Variants in NHLH2 observed in about 807,000 individuals in gnomAD.
The protein encoded by NHLH2 is nescient helix-loop-helix 2.
A neutral mutation model predicts 7.3 loss-of-function variants in NHLH2; 7 were observed. The ratio of observed to expected loss-of-function variants is 0.96; its 90% CI spans 0.55 to 1.81. NHLH2 has a LOEUF of 1.81. NHLH2 is among the 40% of genes most tolerant of loss of function. NHLH2 has a pLI of 0.00. For synonymous variants in NHLH2, 93 were observed against 91.6 expected (o/e 1.01, Z -0.09); for missense variants, 155 against 194.0 (o/e 0.80, Z 1.19).
intron 2 of NHLH2, chr1:115,839,066 G>C (rs1650976266): frequency 6.0e-6 from 1 of 167,252 alleles, no homozygotes; most frequent in Non-Finnish European, 1.5e-5. Context: ...ACAAACGTGG[G>C]GGAGCCTTTA....
chr1:115,838,553 C>T (rs903423382), intron 2 of NHLH2, 173 bp from the exon 3 acceptor site: 1 of 621,518 alleles, frequency 1.6e-6, no homozygotes, highest in Non-Finnish European at 2.6e-6. Flanking sequence ...GGCCCGAGGG[C>T]GCGAGCCCTG....
rs1482253723 is a variant in NHLH2, at chr1:115,837,749, G to C, written c.*216C>G. The C allele has an allele frequency of 9.1e-6, 5 of 551,334 alleles. No individual in the cohort carries two copies. 34.2% of individuals were successfully genotyped at this position (551,334 alleles called of 1,614,324 possible). ...GGAAAATCCCCCCTGCGAGCCCCCG[G>C]GCTCGCCAGACAACCCCACCTGCCT... On this transcript the variant is annotated 3_prime_UTR_variant, in exon 3 of 3. Coordinates refer to ENST00000320238, the MANE Select transcript of NHLH2 (RefSeq NM_005599.3).
chr1:115,838,388 G>A lies in NHLH2; in HGVS notation c.-8-8C>T, dbSNP rs953315762. On this transcript the variant is annotated splice_polypyrimidine_tract_variant and splice_region_variant and intron_variant, in intron 2 of 2. Coordinates refer to ENST00000320238, the MANE Select transcript of NHLH2 (RefSeq NM_005599.3). ...TCAGCATCATTTTGGAGGCTGAGGA[G>A]GGGTCGGAAAATTAATCAGTAAAAG... 3 of 1,607,856 alleles carry A rather than the reference G, an allele frequency of 1.9e-6. No individual in the cohort carries two copies. Among genetic ancestry groups the A allele is most frequent in the Non-Finnish European group, 1.7e-6 (2 of 1,178,764 alleles).
chr1:115,839,545 C>T (rs948669848), intron 2 of NHLH2: 1 of 166,854 alleles, frequency 6.0e-6, no homozygotes, highest in African/African-American at 2.4e-5. Context: ...GGGAGGGGGC[C>T]GCTCAGAACC....
intron 1 of NHLH2, 139 bp downstream of exon 1, chr1:115,840,809 T>C (rs967341091): frequency 4.3e-5 from 7 of 162,620 alleles, no homozygotes; most frequent in African/African-American, 1.7e-4. Flanking sequence ...AGGAACACAA[T>C]ACTGTAACTA....
In NHLH2 at chr1:115,838,018, G is replaced by A. The variant is rs753201878; in HGVS notation, c.355C>T (p.Leu119=). 6.2e-7 allele frequency: 1 copy of A among 1,610,574 alleles called. No individual in the cohort carries two copies. The highest frequency in any genetic ancestry group is 8.5e-7 in the Non-Finnish European group (1 of 1,178,662). The change falls in exon 3 of 3, where the codon CTG becomes TTG. Residue 119 remains leucine (L), a synonymous_variant. Coordinates refer to ENST00000320238, the MANE Select transcript of NHLH2 (RefSeq NM_005599.3). ...GAGATGTAGCAGATGGCCAGGCGCA[G>A]GATCTCGATCTTGGAGAGCTTCTTG... ...PDKKLSKIEI[L]RLAICYISYL... is the part of the protein sequence containing the mutation.
chr1:115,837,932 C>T lies in NHLH2; in HGVS notation c.*33G>A. 2 of 1,579,278 alleles carry T rather than the reference C, an allele frequency of 1.3e-6. No homozygotes were observed. The highest frequency in any genetic ancestry group is 1.7e-6 in the Non-Finnish European group (2 of 1,165,154). On this transcript the variant is annotated 3_prime_UTR_variant, in exon 3 of 3. Transcript: ENST00000320238. ...CGGATCCGTAGCGTTTCGCGGACGC[C>T]GGGACAGGCGGCCCCCCGCGGCGCA... is the stretch of plus-strand genomic sequence containing the variant.
rs1255497423 is a variant in NHLH2, at chr1:115,840,234, A to C, written c.-27T>G. On this transcript the variant is annotated 5_prime_UTR_variant, in exon 2 of 3. Transcript: ENST00000320238. Reference sequence around the variant, plus strand: ...GTCTTACCTTGCAAAAGCCTTTTTGATAATCTGTTCTCCAATCTTTAGAGT... The same window carrying C: ...GTCTTACCTTGCAAAAGCCTTTTTGCTAATCTGTTCTCCAATCTTTAGAGT... 1.2e-5 allele frequency: 2 copies of C among 167,096 alleles called. No individual in the cohort carries two copies. The highest frequency in any genetic ancestry group is 2.9e-5 in the Non-Finnish European group (2 of 68,124). The allele number at this position is 167,096 out of a possible 1,614,324, so 10.4% of individuals were successfully genotyped here.
downstream of NHLH2, among the ~76,000 whole-genome samples, chr1:115,832,965 T>C (rs1346856840): frequency 6.6e-6 from 1 of 151,854 alleles, no homozygotes; most frequent in African/African-American, 2.4e-5. Context: ...GGAAACCGAG[T>C]TTGCAGGAAT....
At chr1:115,839,037 A>C (rs2101201989) in intron 2 of NHLH2, 1 of 167,284 alleles carries the variant, frequency 6.0e-6, no homozygotes, top group African/African-American at 2.4e-5. Flanking sequence ...CTTCTCCGAA[A>C]TCGTAAAGAA....
chr1:115,834,083 C>T (rs968834101), downstream of NHLH2, among the ~76,000 whole-genome samples: 6 of 152,234 alleles, frequency 3.9e-5, no homozygotes, highest in Non-Finnish European at 4.4e-5. Context: ...CTCATTTCCT[C>T]CTTACCCATT....
At chr1:115,836,002 C>T (rs139484392), downstream of NHLH2, among the ~76,000 whole-genome samples, 1 of 152,226 alleles carries the variant, frequency 6.6e-6, no homozygotes, top group East Asian at 1.9e-4. Context: ...CATTAAATAG[C>T]TATGTGTTTT....
chr1:115,838,747 T>G, intron 2 of NHLH2: 1 of 229,138 alleles, frequency 4.4e-6, no homozygotes. Flanking sequence ...ACCGCGCTAT[T>G]CCTCCTCCCT....
At chr1:115,833,966 C>T (rs929675306), downstream of NHLH2, among the ~76,000 whole-genome samples, 1 of 152,154 alleles carries the variant, frequency 6.6e-6, no homozygotes, top group African/African-American at 2.4e-5. Context: ...TATCATAGTG[C>T]TCTGGTGATA....
Position 115,837,897 on chromosome 1 carries a change from G to T in NHLH2, c.*68C>A, listed in dbSNP as rs1024557301. On this transcript the variant is annotated 3_prime_UTR_variant, in exon 3 of 3. Transcript: ENST00000320238. ...CCGCAGCCTCCGCCACCCGAGCGAC[G>T]GCGCCCGTCCGGATCCGTAGCGTTT... 12 of 1,500,712 alleles carry T rather than the reference G, an allele frequency of 8.0e-6. No homozygotes were observed. Among genetic ancestry groups the T allele is most frequent in the Non-Finnish European group, 9.8e-6 (11 of 1,126,482 alleles). 93.0% of individuals were successfully genotyped at this position (1,500,712 alleles called of 1,614,324 possible). A position where few individuals can be genotyped will look rare whatever the true frequency, so the allele number is the denominator to read the frequency against.
downstream of NHLH2, among the ~76,000 whole-genome samples, chr1:115,835,069 A>G (rs762214407): frequency 6.6e-6 from 1 of 152,132 alleles, no homozygotes; most frequent in Non-Finnish European, 1.5e-5. Context: ...CTGAAATCAC[A>G]TGGGTTGCAT....
chr1:115,840,760 G>A (rs867826359), intron 1 of NHLH2, 188 bp downstream of exon 1: 1 of 38,010 alleles, frequency 2.6e-5, no homozygotes, highest in Non-Finnish European at 6.9e-5. Flanking sequence ...TTTTTTTTTT[G>A]AGATAAGGCT....
In NHLH2 at chr1:115,841,055, G is replaced by C. The variant is rs533517044; in HGVS notation, c.-445C>G. On this transcript the variant is annotated 5_prime_UTR_variant, in exon 1 of 3. Transcript: ENST00000320238. ...GTGACAAGGAAGCAGAGAAAGACGG[G>C]AAGAGGGTGGGAGAGCCAGAGCAAA... 1 of 167,140 alleles carries C rather than the reference G, an allele frequency of 6.0e-6. No individual in the cohort carries two copies. Among genetic ancestry groups the C allele is most frequent in the Admixed American group, 6.5e-5 (1 of 15,284 alleles). 10.4% of individuals were successfully genotyped at this position (167,140 alleles called of 1,614,324 possible).
At chr1:115,831,686 AG>A (rs5777247), downstream of NHLH2, among the ~76,000 whole-genome samples, 134,813 of 149,898 alleles carry the variant, frequency 0.9, 60,119 homozygotes, top group Admixed American at 0.92. Context: ...TGAAAGGCCT[AG>A]GGGGGGGCGG....
Sources: gnomAD v4.1 joint callset for allele counts (sites outside exome capture counted in the v4.1 genomes callset) on GRCh38, gnomAD v4.1.1 for gene constraint, MANE v1.5 for transcripts, NCBI Gene and HGNC (gene_info 2026-07-23, HGNC 2026-07-21) for gene names.